Variants in IMMT observed in about 807,000 individuals in gnomAD.
The protein encoded by IMMT is inner membrane mitochondrial protein.
Under a neutral mutation model 92.7 loss-of-function variants are expected in IMMT, and 40 were observed. The observed-to-expected ratio is 0.43, with a 90% CI of 0.34 to 0.56. IMMT has a LOEUF of 0.56. Among genes scored for constraint, IMMT ranks in the 20% least tolerant of loss-of-function variants. IMMT has a pLI of 0.03. For missense variants in IMMT, 831 were observed against 912.1 expected (o/e 0.91, Z 1.14); for synonymous variants, 322 against 336.1 (o/e 0.96, Z 0.46).
intron 4 of IMMT, among the ~76,000 whole-genome samples, chr2:86,172,385 C>G (rs1415598302): frequency 6.6e-6 from 1 of 152,098 alleles, no homozygotes; most frequent in Non-Finnish European, 1.5e-5. Context: ...GCCCTGTCAC[C>G]CAGGCTGGAG....
rs191973439 is a variant in IMMT, at chr2:86,161,750, G to A, written c.896+226C>T. Reference sequence around the variant, plus strand: ...AGGATGGTCTCGATCTCTTGACCTCGTGATCTGTCCGCCTCGGCCTCCCAA... The same window carrying A: ...AGGATGGTCTCGATCTCTTGACCTCATGATCTGTCCGCCTCGGCCTCCCAA... On this transcript the variant is annotated intron_variant, in intron 8 of 14. Transcript: ENST00000410111. Among the ~76,000 whole-genome samples the A allele has an allele frequency of 1.3e-4, 19 of 151,812 alleles. No homozygotes were observed. The Middle Eastern group carries it at 0.01, about 82-fold the overall frequency.
intron 6 of IMMT, among the ~76,000 whole-genome samples, chr2:86,167,240 C>T (rs1480101444): frequency 7.2e-6 from 1 of 139,810 alleles, no homozygotes; most frequent in Non-Finnish European, 1.5e-5. Context: ...GGCGCGATCT[C>T]GGCTCACTGC....
chr2:86,146,013 T>C (rs752460735), intron 14 of IMMT, 55 bp downstream of exon 14: 23 of 1,367,958 alleles, frequency 1.7e-5, no homozygotes, highest in Non-Finnish European at 1.9e-5. Flanking sequence ...TAAAATTATT[T>C]TGATAAATTA....
Position 86,153,619 on chromosome 2 carries a change from T to C in IMMT, c.1163-45A>G, listed in dbSNP as rs745730126. On this transcript the variant is annotated intron_variant, in intron 10 of 14. Coordinates refer to ENST00000410111, the MANE Select transcript of IMMT (RefSeq NM_006839.3). ...ACAGTTTGAAAAAAAAGAATGCACA[T>C]ACTTTAGTTATTGATCATTAAACAG... is the stretch of plus-strand genomic sequence containing the variant. The C allele has an allele frequency of 3.9e-5, 50 of 1,273,370 alleles. No individual in the cohort carries two copies. The East Asian group carries it at 1.3e-3, about 34-fold the overall frequency. 78.9% of individuals were successfully genotyped at this position (1,273,370 alleles called of 1,614,324 possible). A position where few individuals can be genotyped will look rare whatever the true frequency, so the allele number is the denominator to read the frequency against.
Position 86,146,198 on chromosome 2 carries a change from C to G in IMMT, c.1534-1G>C. ...GTTCAGAGAGTTTCTCAGACAGGTT[C>G]TGAAATAAAACAGAAATAGTTCCAG... On this transcript the variant is annotated splice_acceptor_variant, in intron 13 of 14. Coordinates refer to ENST00000410111, the MANE Select transcript of IMMT (RefSeq NM_006839.3). LOFTEE classifies it high-confidence loss of function. 6.2e-7 allele frequency: 1 copy of G among 1,601,720 alleles called. No homozygotes were observed. Among genetic ancestry groups the G allele is most frequent in the East Asian group, 2.2e-5 (1 of 44,616 alleles).
intron 13 of IMMT, among the ~76,000 whole-genome samples, chr2:86,146,585 G>A (rs929489835): frequency 9.9e-5 from 15 of 151,976 alleles, no homozygotes; most frequent in Admixed American, 2.6e-4. Context: ...GGATGGTCTC[G>A]ATCTCTTAAC....
At chr2:86,146,885 G>A (rs140493968) in intron 13 of IMMT, among the ~76,000 whole-genome samples, 85 of 152,086 alleles carry the variant, frequency 5.6e-4, no homozygotes, top group African/African-American at 1.8e-3. Context: ...CTCAGCCTCC[G>A]GAGTGGCTGG....
At chr2:86,181,489 CT>C (rs1461972172) in intron 1 of IMMT, 117 bp from the exon 2 acceptor site, 7 of 710,458 alleles carry the variant, frequency 9.9e-6, no homozygotes, top group East Asian at 5.5e-5. Flanking sequence ...CAAAAAATTA[CT>C]TTTTTTCAGA....
chr2:86,145,625 C>T (rs1267018287), intron 14 of IMMT, among the ~76,000 whole-genome samples: 1 of 151,468 alleles, frequency 6.6e-6, no homozygotes, highest in Non-Finnish European at 1.5e-5. Context: ...CCATAACATC[C>T]TAAAAAAACC....
At chr2:86,145,019 C>T (rs1211167673) in intron 14 of IMMT, 138 bp from the exon 15 acceptor site, 6 of 980,372 alleles carry the variant, frequency 6.1e-6, no homozygotes, top group Non-Finnish European at 8.7e-6. Context: ...CAACCCCACC[C>T]CCACCACTTA....
Position 86,158,729 on chromosome 2 carries a change from A to AT in IMMT, c.1033-9_1033-8insA. 1 of 1,597,116 alleles carries AT rather than the reference A, an allele frequency of 6.3e-7. No homozygotes were observed. On this transcript the variant is annotated splice_polypyrimidine_tract_variant and intron_variant, in intron 9 of 14. Transcript: ENST00000410111. ...AGACTGAGCTGCTTGGACCTGAGCA[A>AT]ATACACAGGGTATGTGATTAAATTG...
chr2:86,155,030 T>G (rs920344473), intron 10 of IMMT, among the ~76,000 whole-genome samples: 1 of 152,138 alleles, frequency 6.6e-6, no homozygotes, highest in African/African-American at 2.4e-5. Context: ...GCTCGACTGA[T>G]TTTTGTATTT....
chr2:86,173,863 C>T, intron 3 of IMMT, 102 bp from the exon 4 acceptor site: 2 of 637,400 alleles, frequency 3.1e-6, no homozygotes, highest in South Asian at 3.8e-5. Context: ...AGGCTTTTAA[C>T]ATAAAGTTAT....
intron 1 of IMMT, among the ~76,000 whole-genome samples, chr2:86,190,426 A>G (rs1013981243): frequency 6.6e-6 from 1 of 152,216 alleles, no homozygotes; most frequent in African/African-American, 2.4e-5. Flanking sequence ...ATAAGCAGGA[A>G]AGACTACTCC....
intron 1 of IMMT, among the ~76,000 whole-genome samples, chr2:86,189,287 T>A (rs939972586): frequency 6.6e-6 from 1 of 151,586 alleles, no homozygotes; most frequent in Non-Finnish European, 1.5e-5. Context: ...CAGGCTGGAG[T>A]GCAATGGTGT....
At chr2:86,173,580 C>CAAAA in intron 4 of IMMT, 70 bp downstream of exon 4, 3 of 772,044 alleles carry the variant, frequency 3.9e-6, no homozygotes, top group Non-Finnish European at 6.0e-6. Flanking sequence ...AACTCCATCT[C>CAAAA]AAAAAAAAAA....
In IMMT at chr2:86,147,798, C is replaced by T; in HGVS notation, c.1437G>A (p.Met479Ile). The change falls in exon 13 of 15, where the codon ATG (methionine) becomes ATA (isoleucine). Residue 479 changes from methionine (M) to isoleucine (I), a missense_variant. Met to Ile is a conservative substitution (Grantham distance 10). Transcript: ENST00000410111. ...EEVRDAMENEMRTQLRRQAAA... is the reference protein window; with the variant it reads ...EEVRDAMENEIRTQLRRQAAA... ...CTGCCTGTCGGCGAAGCTGGGTTCT[C>T]ATTTCATTTTCCATGGCATCTCTGA... The T allele has an allele frequency of 1.2e-6, 2 of 1,613,932 alleles. No homozygotes were observed. Among genetic ancestry groups the T allele is most frequent in the Non-Finnish European group, 8.5e-7 (1 of 1,179,854 alleles).
At chr2:86,145,457 T>C (rs1674922875) in intron 14 of IMMT, among the ~76,000 whole-genome samples, 1 of 125,408 alleles carries the variant, frequency 8.0e-6, no homozygotes, top group South Asian at 2.5e-4. Flanking sequence ...ATCACACCAC[T>C]GCACTCTACC....
intron 12 of IMMT, among the ~76,000 whole-genome samples, chr2:86,149,892 AAAAAAAG>A (rs1355780536): frequency 6.2e-4 from 73 of 117,522 alleles, no homozygotes; most frequent in Middle Eastern, 4.5e-3. Flanking sequence ...AAAAAAAAAA[AAAAAAAG>A]AAAGAAAAAG....
Sources: gnomAD v4.1 joint callset for allele counts (sites outside exome capture counted in the v4.1 genomes callset) on GRCh38, gnomAD v4.1.1 for gene constraint, MANE v1.5 for transcripts, NCBI Gene and HGNC (gene_info 2026-07-23, HGNC 2026-07-21) for gene names.